Variants in FSIP1 observed in about 807,000 individuals in gnomAD.
The protein encoded by FSIP1 is fibrous sheath-interacting protein 1.
Under a neutral mutation model 60.9 loss-of-function variants are expected in FSIP1, and 65 were observed. The observed-to-expected ratio is 1.07, with a 90% CI of 0.87 to 1.31. FSIP1 has a LOEUF of 1.31. Ranked by LOEUF, FSIP1 falls within the 40% of genes most tolerant of loss-of-function variation. The pLI, the probability that FSIP1 is intolerant of heterozygous loss-of-function variation, is 0.00. For missense variants in FSIP1, 675 were observed against 665.5 expected, an observed-to-expected ratio of 1.01 and a Z score of -0.16; for synonymous variants, 209 against 221.2, an observed-to-expected ratio of 0.94 and a Z score of 0.49.
chr15:39,744,767 T>C (rs561541381), intron 5 of FSIP1, among the ~76,000 whole-genome samples: 1,898 of 111,114 alleles, frequency 0.017, 12 homozygotes, highest in African/African-American at 0.029. Context: ...TCTCTCTCTC[T>C]CCCCCTCAGT....
At chr15:39,772,917 T>TC (rs1366941047) in intron 2 of FSIP1, among the ~76,000 whole-genome samples, 2 of 151,948 alleles carry the variant, frequency 1.3e-5, no homozygotes, top group Non-Finnish European at 2.9e-5. Flanking sequence ...TGGCTCCACT[T>TC]CCCCCATTCC....
chr15:39,644,708 G>T (rs1015155508), intron 10 of FSIP1, among the ~76,000 whole-genome samples: 1 of 149,604 alleles, frequency 6.7e-6, no homozygotes, highest in South Asian at 2.1e-4. Flanking sequence ...TGATTTACAG[G>T]CAAGTACTGA....
At chr15:39,611,664 G>C (rs1891039009) in intron 11 of FSIP1, among the ~76,000 whole-genome samples, 1 of 152,172 alleles carries the variant, frequency 6.6e-6, no homozygotes, top group Admixed American at 6.5e-5. Context: ...TTACCTATCA[G>C]CAATTACCTT....
At chr15:39,630,316 A>C (rs1891829232) in intron 10 of FSIP1, among the ~76,000 whole-genome samples, 1 of 152,248 alleles carries the variant, frequency 6.6e-6, no homozygotes, top group African/African-American at 2.4e-5. Context: ...AAACCAAAAA[A>C]GCTGTGTAGT....
downstream of FSIP1, chr15:39,599,330 A>C (rs1595518348): frequency 6.6e-6 from 1 of 152,180 alleles, no homozygotes. Context: ...TTTATGGCAG[A>C]ATTCATTACT....
At chr15:39,686,539 T>C (rs764335151) in intron 10 of FSIP1, among the ~76,000 whole-genome samples, 13 of 152,244 alleles carry the variant, frequency 8.5e-5, no homozygotes, top group African/African-American at 1.4e-4. Context: ...TTCAACTATA[T>C]GTGTAACTGA....
intron 10 of FSIP1, among the ~76,000 whole-genome samples, chr15:39,707,227 ACTGGCTC>A (rs1156589330): frequency 6.6e-6 from 1 of 151,658 alleles, no homozygotes; most frequent in Non-Finnish European, 1.5e-5. Flanking sequence ...AGCCTTCCTG[ACTGGCTC>A]CATTTCGCAG....
intron 10 of FSIP1, among the ~76,000 whole-genome samples, chr15:39,636,729 C>T (rs1187357557): frequency 6.6e-6 from 1 of 152,224 alleles, no homozygotes; most frequent in Non-Finnish European, 1.5e-5. Context: ...ATTCAAATGA[C>T]ATCCTTAGTT....
intron 10 of FSIP1, among the ~76,000 whole-genome samples, chr15:39,632,464 C>T (rs1891936377): frequency 6.6e-6 from 1 of 152,148 alleles, no homozygotes; most frequent in East Asian, 1.9e-4. Flanking sequence ...CAGGCGTGAG[C>T]CACTGCGCCC....
rs763832865 is a variant in FSIP1 at position 39,741,792 on chromosome 15, A to G, written c.655+13T>C. The G allele has an allele frequency of 1.5e-6, 2 of 1,355,804 alleles. No homozygotes were observed. Among genetic ancestry groups the G allele is most frequent in the African/African-American group, 2.9e-5 (2 of 70,044 alleles). 84.0% of individuals were successfully genotyped at this position (1,355,804 alleles called of 1,614,324 possible). ...TTGTGAAAATGTGTATAATCACACA[A>G]ATTTAAATATACCTTTATTGAGTTT... On this transcript the variant is annotated intron_variant, in intron 6 of 11. Coordinates refer to ENST00000350221, the MANE Select transcript of FSIP1 (RefSeq NM_152597.5).
chr15:39,602,886 A>T (rs1370946957), intron 11 of FSIP1, among the ~76,000 whole-genome samples: 1 of 152,182 alleles, frequency 6.6e-6, no homozygotes, highest in Non-Finnish European at 1.5e-5. Context: ...GCACTTAAAA[A>T]TTTTCATCAA....
chr15:39,602,907 T>C (rs760204341), intron 11 of FSIP1, among the ~76,000 whole-genome samples: 2 of 152,180 alleles, frequency 1.3e-5, no homozygotes, highest in African/African-American at 2.4e-5. Context: ...TAGAACTAGA[T>C]TGAGTAACAA....
At chr15:39,638,015 GA>G (rs1892205833) in intron 10 of FSIP1, among the ~76,000 whole-genome samples, 1 of 152,162 alleles carries the variant, frequency 6.6e-6, no homozygotes, top group Non-Finnish European at 1.5e-5. Flanking sequence ...CAAGTAAAGA[GA>G]AAAGACTCCC....
rs138085010 is a variant in FSIP1, at chr15:39,627,473, C to T, written c.1189-9228G>A. On this transcript the variant is annotated intron_variant, in intron 10 of 11. Coordinates refer to ENST00000350221, the MANE Select transcript of FSIP1 (RefSeq NM_152597.5). ...CCAGAAGTGCAAGAGAATTCATGCC[C>T]CTTGGGGCAGACTTTGACCAAGGGG... Among the ~76,000 whole-genome samples, 316 of 152,330 alleles carry T rather than the reference C, an allele frequency of 2.1e-3. 1 individual carries two copies. Among genetic ancestry groups the T allele is most frequent in the African/African-American group, 7.3e-3 (302 of 41,560 alleles).
intron 9 of FSIP1, among the ~76,000 whole-genome samples, chr15:39,719,117 A>T (rs555188433): frequency 9.2e-5 from 14 of 152,348 alleles, no homozygotes; most frequent in African/African-American, 3.4e-4. Context: ...AGAGGCCAAG[A>T]GGGGGCAAGA....
chr15:39,713,295 G>T, intron 10 of FSIP1, 149 bp downstream of exon 10: 1 of 541,630 alleles, frequency 1.8e-6, no homozygotes, highest in Non-Finnish European at 3.1e-6. Flanking sequence ...GGACGGGTGC[G>T]GTGGCCCACA....
chr15:39,732,619 CA>C (rs56106819), intron 8 of FSIP1, among the ~76,000 whole-genome samples: 2,591 of 80,084 alleles, frequency 0.032, 18 homozygotes, highest in African/African-American at 0.046. Flanking sequence ...AACTCCATCT[CA>C]AAAAAAAAAA....
At chr15:39,674,990 A>G (rs1488583360) in intron 10 of FSIP1, among the ~76,000 whole-genome samples, 2 of 151,872 alleles carry the variant, frequency 1.3e-5, no homozygotes, top group Non-Finnish European at 2.9e-5. Context: ...TATAATAACA[A>G]GAAAAACTCA....
intron 9 of FSIP1, among the ~76,000 whole-genome samples, chr15:39,718,328 G>GTA (rs898205590): frequency 2.3e-4 from 35 of 150,856 alleles, no homozygotes; most frequent in East Asian, 1.6e-3. Context: ...ATATATGTGT[G>GTA]TATATATATA....
Sources: allele counts gnomAD v4.1 joint callset (sites outside exome capture counted in the v4.1 genomes callset), GRCh38; gene constraint gnomAD v4.1.1; transcripts MANE v1.5; gene names NCBI Gene and HGNC (gene_info 2026-07-23, HGNC 2026-07-21).